The following PTPRN2 variants were observed in gnomAD, a reference collection of about 807,000 sequenced individuals.
The protein encoded by PTPRN2 is protein tyrosine phosphatase receptor type N2.
Under a neutral mutation model 118.8 loss-of-function variants are expected in PTPRN2, and 74 were observed. That is an observed-to-expected ratio of 0.62 (90% CI 0.52 to 0.76). The LOEUF (loss-of-function observed/expected upper bound fraction) is 0.76. PTPRN2 is among the 30% of genes least tolerant of loss of function. The pLI is 0.00. For synonymous variants in PTPRN2, 641 were observed against 608.0 expected, an observed-to-expected ratio of 1.05 and a Z score of -0.80; for missense variants, 1,481 against 1,394.4, an observed-to-expected ratio of 1.06 and a Z score of -0.99.
At chr7:157,836,363 A>G (rs905001317) in intron 12 of PTPRN2, among the ~76,000 whole-genome samples, 21 of 152,246 alleles carry the variant, frequency 1.4e-4, no homozygotes, top group Admixed American at 9.2e-4. Context: ...ACCATTTCAC[A>G]TAGTAGTTAG....
Position 157,611,151 on chromosome 7 carries a change from C to T in PTPRN2, c.2345-7076G>A, listed in dbSNP as rs1345638594. Among the ~76,000 whole-genome samples, 1 of 152,214 alleles carries T rather than the reference C, an allele frequency of 6.6e-6. No homozygotes were observed. The highest frequency in any genetic ancestry group is 1.9e-4 in the East Asian group (1 of 5,188). ...GCAGGTCCCAGAGGAGCAACAGTGG[C>T]CCCAAATGGCATGGTCACAAGGCTG... On this transcript the variant is annotated intron_variant, in intron 15 of 22. Transcript: ENST00000389418. The surrounding 1 kb of genome is among the most constrained non-coding windows in gnomAD (Gnocchi z 5.9).
chr7:157,938,755 A>G (rs1799872860), intron 11 of PTPRN2, among the ~76,000 whole-genome samples: 11 of 152,234 alleles, frequency 7.2e-5, no homozygotes, highest in Admixed American at 7.2e-4. Flanking sequence ...TACACTAAGC[A>G]TGATTGTTTT....
intron 2 of PTPRN2, among the ~76,000 whole-genome samples, chr7:158,401,444 A>T (rs1308254372): frequency 6.6e-6 from 1 of 151,778 alleles, no homozygotes; most frequent in Non-Finnish European, 1.5e-5. Flanking sequence ...CACAGAAGCG[A>T]AGCTGCCACG....
At position 157,690,171 on chromosome 7, in the gene PTPRN2, A is replaced by G. The variant is rs1050045688; in HGVS notation, c.1789-7234T>C. 1.3e-5 allele frequency among the ~76,000 whole-genome samples: 2 copies of G among 152,128 alleles called. No homozygotes were observed. The highest frequency in any genetic ancestry group is 2.9e-5 in the Non-Finnish European group (2 of 68,026). On this transcript the variant is annotated intron_variant, in intron 12 of 22. Transcript: ENST00000389418. The surrounding 1 kb of genome is among the most constrained non-coding windows in gnomAD (Gnocchi z 7.1). ...GGTCTCTGCGGGGCGCTGGGCCAGG[A>G]CAGCTGCCAACCCTCCAAATCTGTG...
chr7:157,659,276 C>T (rs868547479), intron 13 of PTPRN2, among the ~76,000 whole-genome samples: 9 of 137,354 alleles, frequency 6.6e-5, no homozygotes, highest in Non-Finnish European at 1.2e-4. Flanking sequence ...GGAGGATGAC[C>T]GCGGGGACTG....
chr7:157,941,838 C>T, intron 11 of PTPRN2, among the ~76,000 whole-genome samples: 1 of 152,182 alleles, frequency 6.6e-6, no homozygotes. Context: ...CACCTAATCT[C>T]CATGCTCAAG....
At chr7:157,889,156 T>C (rs1796652448) in intron 12 of PTPRN2, among the ~76,000 whole-genome samples, 1 of 152,090 alleles carries the variant, frequency 6.6e-6, no homozygotes, top group Non-Finnish European at 1.5e-5. Flanking sequence ...CGGAATGACC[T>C]ACTCTTGACC....
intron 5 of PTPRN2, among the ~76,000 whole-genome samples, chr7:158,169,716 G>A (rs541487004): frequency 6.4e-4 from 97 of 150,918 alleles, no homozygotes; most frequent in Admixed American, 1.7e-3. Context: ...CTTTTGAGAC[G>A]GAGTCTCTCA....
At chr7:158,066,258 C>T (rs1284961183) in intron 11 of PTPRN2, among the ~76,000 whole-genome samples, 1 of 152,240 alleles carries the variant, frequency 6.6e-6, no homozygotes, top group Admixed American at 6.5e-5. Context: ...TGGCACCTTC[C>T]ATGAGGTGGA....
At chr7:158,146,691 AGCCT>A in intron 6 of PTPRN2, among the ~76,000 whole-genome samples, 1 of 147,972 alleles carries the variant, frequency 6.8e-6, no homozygotes, top group African/African-American at 2.5e-5. Flanking sequence ...ACTGCACTCC[AGCCT>A]GGGCGACAGA....
intron 12 of PTPRN2, among the ~76,000 whole-genome samples, chr7:157,686,944 TGAG>T (rs1347358653): frequency 2.6e-5 from 4 of 152,178 alleles, no homozygotes; most frequent in Admixed American, 2.6e-4. Context: ...AGATCTATCT[TGAG>T]AATAAGATGA....
chr7:158,409,782 C>T (rs1029518245), intron 2 of PTPRN2, among the ~76,000 whole-genome samples: 1 of 152,070 alleles, frequency 6.6e-6, no homozygotes, highest in Non-Finnish European at 1.5e-5. Context: ...CAGAGCATGC[C>T]GACATTCAGA....
chr7:158,157,747 A>T (rs1563533071), intron 6 of PTPRN2, among the ~76,000 whole-genome samples: 1 of 151,748 alleles, frequency 6.6e-6, no homozygotes, highest in East Asian at 1.9e-4. Flanking sequence ...CCACAGAGTG[A>T]CCCCCCCAGC....
intron 12 of PTPRN2, among the ~76,000 whole-genome samples, chr7:157,790,636 TA>T (rs1348571439): frequency 2.0e-5 from 3 of 152,210 alleles, no homozygotes; most frequent in Non-Finnish European, 4.4e-5. Flanking sequence ...GAGATTCCAA[TA>T]TTAAAAAGTC....
At chr7:158,131,551 AAACT>A (rs1435543615) in intron 9 of PTPRN2, among the ~76,000 whole-genome samples, 19 of 151,882 alleles carry the variant, frequency 1.3e-4, no homozygotes, top group Non-Finnish European at 2.1e-4. Context: ...GGGTACATAC[AAACT>A]GATACACAGC....
rs554371395 is a variant in PTPRN2 at position 158,018,732 on chromosome 7, G to A, written c.1723+62566C>T. On this transcript the variant is annotated intron_variant, in intron 11 of 22. Coordinates refer to ENST00000389418, the MANE Select transcript of PTPRN2 (RefSeq NM_002847.5). ...TCCCAGCACTTTGGGAGGCTGAGGC[G>A]GGAGGATCACCTGAGATCAGGAGTT... 3.3e-5 allele frequency among the ~76,000 whole-genome samples: 5 copies of A among 151,956 alleles called. No individual in the cohort carries two copies. The South Asian group carries it at 8.4e-4, about 25-fold the overall frequency.
At chr7:158,145,382 A>C (rs909186735) in intron 6 of PTPRN2, among the ~76,000 whole-genome samples, 1 of 152,232 alleles carries the variant, frequency 6.6e-6, no homozygotes, top group Admixed American at 6.5e-5. Context: ...CATCGTGAGA[A>C]GGGGCGGCAG....
intron 11 of PTPRN2, among the ~76,000 whole-genome samples, chr7:158,013,578 C>T (rs1332018088): frequency 2.0e-5 from 3 of 152,062 alleles, no homozygotes; most frequent in Non-Finnish European, 4.4e-5. Flanking sequence ...TACCAATTCA[C>T]TTGTTCATCT....
chr7:158,272,494 G>A (rs770019739), intron 3 of PTPRN2, among the ~76,000 whole-genome samples: 14 of 151,846 alleles, frequency 9.2e-5, no homozygotes, highest in Non-Finnish European at 1.8e-4. Flanking sequence ...CACTGAGCAG[G>A]TTTGCCCAGA....
Sources: gnomAD v4.1 joint callset for allele counts (sites outside exome capture counted in the v4.1 genomes callset) on GRCh38, gnomAD v4.1.1 for gene constraint, Gnocchi (gnomAD v3.1) non-coding constraint, MANE v1.5 for transcripts, NCBI Gene and HGNC (gene_info 2026-07-23, HGNC 2026-07-21) for gene names.